Variants in KIAA1328 observed in about 807,000 individuals in gnomAD.
The protein encoded by KIAA1328 is protein hinderin.
Under a neutral mutation model 68.1 loss-of-function variants are expected in KIAA1328, and 52 were observed. The observed-to-expected ratio is 0.76, with a 90% CI of 0.61 to 0.96. KIAA1328 has a LOEUF of 0.96. Ranked by LOEUF, KIAA1328 falls within the 40% of genes least tolerant of loss-of-function variation. The pLI is 0.00. For missense variants in KIAA1328, 641 were observed against 677.6 expected (o/e 0.95, Z 0.60); for synonymous variants, 232 against 239.4 (o/e 0.97, Z 0.28).
At chr18:37,228,971 G>A (rs2060652833), downstream of KIAA1328, among the ~76,000 whole-genome samples, 1 of 152,264 alleles carries the variant, frequency 6.6e-6, no homozygotes, top group African/African-American at 2.4e-5. Context: ...GTGGACTACA[G>A]TTGTGTGAAC....
Position 37,224,303 on chromosome 18 carries a change from G to A in KIAA1328, c.*2076G>A, listed in dbSNP as rs905071199. On this transcript the variant is annotated 3_prime_UTR_variant, in exon 10 of 10. Coordinates refer to ENST00000280020, the MANE Select transcript of KIAA1328 (RefSeq NM_020776.3). The stretch of plus-strand genomic sequence containing the variant: ...AAGCTTGTTTGCCTTTAGAAGAATC[G>A]TAAACAGAGTCTAAACTAAAGGCTT... 2.1e-5 allele frequency: 21 copies of A among 985,254 alleles called. No individual in the cohort carries two copies. Among genetic ancestry groups the A allele is most frequent in the Non-Finnish European group, 2.2e-5 (18 of 829,922 alleles). The allele number at this position is 985,254 out of a possible 1,614,324, so 61.0% of individuals were successfully genotyped here.
chr18:36,864,191 A>G (rs2047663215), intron 4 of KIAA1328, among the ~76,000 whole-genome samples: 3 of 152,104 alleles, frequency 2.0e-5, no homozygotes, highest in Middle Eastern at 6.8e-3. Context: ...TTCTCTGTCG[A>G]TTGATATGAT....
At chr18:37,013,591 G>A (rs1040278432) in intron 6 of KIAA1328, among the ~76,000 whole-genome samples, 1 of 152,142 alleles carries the variant, frequency 6.6e-6, no homozygotes, top group Admixed American at 6.6e-5. Context: ...ATGAGAACAT[G>A]TAGTATTTGG....
At chr18:37,096,239 C>A (rs1332437969) in intron 7 of KIAA1328, among the ~76,000 whole-genome samples, 2 of 152,194 alleles carry the variant, frequency 1.3e-5, no homozygotes, top group African/African-American at 2.4e-5. Context: ...CCGCCCACCC[C>A]ACAACAGGCC....
At chr18:36,971,383 A>G (rs1325276117) in intron 6 of KIAA1328, among the ~76,000 whole-genome samples, 2 of 152,184 alleles carry the variant, frequency 1.3e-5, no homozygotes, top group Non-Finnish European at 2.9e-5. Context: ...CGACATAGGC[A>G]CTTTGGGAAG....
chr18:37,223,047 A>AGGG lies in KIAA1328; in HGVS notation c.*820_*821insGGG. The AGGG allele has an allele frequency of 7.0e-6, 3 of 430,266 alleles. No homozygotes were observed. The highest frequency in any genetic ancestry group is 8.6e-6 in the Non-Finnish European group (3 of 349,416). 26.7% of individuals were successfully genotyped at this position (430,266 alleles called of 1,614,324 possible). A position where few individuals can be genotyped will look rare whatever the true frequency, so the allele number is the denominator to read the frequency against. On this transcript the variant is annotated 3_prime_UTR_variant, in exon 10 of 10. Coordinates refer to ENST00000280020, the MANE Select transcript of KIAA1328 (RefSeq NM_020776.3). ...ATTTACCCAAGTGTTCAGCTTATTC[A>AGGG]CCCCACCCCCCCACCCCCCATCACA... is the stretch of plus-strand genomic sequence containing the variant.
At chr18:37,143,193 A>G (rs1035299326) in intron 7 of KIAA1328, among the ~76,000 whole-genome samples, 16 of 151,876 alleles carry the variant, frequency 1.1e-4, no homozygotes, top group African/African-American at 3.6e-4. Flanking sequence ...GGCCTCAAGT[A>G]ATCTCCCTGC....
intron 9 of KIAA1328, among the ~76,000 whole-genome samples, chr18:37,188,799 T>C (rs1436300572): frequency 6.6e-6 from 1 of 152,248 alleles, no homozygotes; most frequent in African/African-American, 2.4e-5. Context: ...TTGACTTTTA[T>C]TCAAACTGGA....
chr18:36,880,166 C>T (rs2114452), intron 4 of KIAA1328, among the ~76,000 whole-genome samples: 9,948 of 152,152 alleles, frequency 0.065, 1,077 homozygotes, highest in African/African-American at 0.22. Context: ...TGTAGGCACC[C>T]GAGGGAATCT....
At chr18:37,228,542 C>T (rs1324206438), downstream of KIAA1328, among the ~76,000 whole-genome samples, 2 of 152,072 alleles carry the variant, frequency 1.3e-5, no homozygotes, top group African/African-American at 2.4e-5. Flanking sequence ...ACCCCCAGCC[C>T]GGCATGGTGG....
chr18:37,097,217 TA>T (rs1256696754), intron 7 of KIAA1328, among the ~76,000 whole-genome samples: 3 of 152,236 alleles, frequency 2.0e-5, no homozygotes, highest in Non-Finnish European at 4.4e-5. Flanking sequence ...GTCTAACATT[TA>T]AGTCTTTAAT....
intron 9 of KIAA1328, among the ~76,000 whole-genome samples, chr18:37,174,554 T>C (rs902603002): frequency 1.4e-5 from 2 of 145,832 alleles, no homozygotes; most frequent in Admixed American, 1.3e-4. Flanking sequence ...GGCTAATTTT[T>C]TTTTGGATTT....
chr18:37,097,755 A>C (rs1376588196), intron 7 of KIAA1328, among the ~76,000 whole-genome samples: 1 of 152,132 alleles, frequency 6.6e-6, no homozygotes, highest in African/African-American at 2.4e-5. Flanking sequence ...TTCATTGAGC[A>C]GTGGTTTGTA....
At chr18:36,981,017 C>T (rs978944014) in intron 6 of KIAA1328, among the ~76,000 whole-genome samples, 21 of 152,086 alleles carry the variant, frequency 1.4e-4, no homozygotes, top group African/African-American at 5.1e-4. Flanking sequence ...ACTAATACAC[C>T]AACTAACAAG....
chr18:37,152,154 G>A (rs983650417), intron 7 of KIAA1328, among the ~76,000 whole-genome samples: 8 of 149,732 alleles, frequency 5.3e-5, no homozygotes, highest in South Asian at 4.2e-4. Flanking sequence ...ACATTAACAC[G>A]TGTGTTTCAT....
intron 6 of KIAA1328, among the ~76,000 whole-genome samples, chr18:36,979,385 C>T (rs2052597061): frequency 6.6e-6 from 1 of 152,000 alleles, no homozygotes; most frequent in South Asian, 2.1e-4. Context: ...TCAATGTCAA[C>T]TCATACTTCT....
intron 3 of KIAA1328, among the ~76,000 whole-genome samples, chr18:36,840,314 T>C (rs55700412): frequency 0.11 from 16,198 of 152,190 alleles, 1,091 homozygotes; most frequent in Non-Finnish European, 0.13. Context: ...CTAGGGTAAA[T>C]CTGGTCCCTG....
chr18:37,016,848 C>A (rs910273560), intron 6 of KIAA1328, among the ~76,000 whole-genome samples: 2 of 151,944 alleles, frequency 1.3e-5, no homozygotes, highest in African/African-American at 4.8e-5. Flanking sequence ...TTACTTGGAT[C>A]TTCTCTCTTC....
intron 6 of KIAA1328, among the ~76,000 whole-genome samples, chr18:36,960,597 C>T (rs572019391): frequency 8.5e-5 from 13 of 152,122 alleles, no homozygotes; most frequent in Non-Finnish European, 1.6e-4. Context: ...CCCTCTGGGA[C>T]GAAGCTTCCA....
Sources: allele counts gnomAD v4.1 joint callset (sites outside exome capture counted in the v4.1 genomes callset), GRCh38; gene constraint gnomAD v4.1.1; transcripts MANE v1.5; gene names NCBI Gene and HGNC (gene_info 2026-07-23, HGNC 2026-07-21).